Variants in NUMB observed in about 807,000 individuals in gnomAD.
NUMB encodes the protein NUMB endocytic adaptor protein.
A neutral mutation model predicts 59.7 loss-of-function variants in NUMB; 29 were observed. The observed-to-expected ratio is 0.49, with a 90% CI of 0.36 to 0.66. NUMB has a LOEUF of 0.66. NUMB is among the 30% of genes least tolerant of loss of function. The pLI, the probability that NUMB is intolerant of heterozygous loss-of-function variation, is 0.00. For missense variants in NUMB, 723 were observed against 822.0 expected (o/e 0.88, Z 1.47); for synonymous variants, 288 against 288.2 (o/e 1.00, Z 0.01).
intron 3 of NUMB, among the ~76,000 whole-genome samples, chr14:73,365,108 C>T (rs2140041598): frequency 6.6e-6 from 1 of 152,286 alleles, no homozygotes; most frequent in South Asian, 2.1e-4. Flanking sequence ...GGCGTGATCT[C>T]GGTTCACTGC....
At chr14:73,369,608 A>AT (rs572161126) in intron 2 of NUMB, among the ~76,000 whole-genome samples, 19 of 152,334 alleles carry the variant, frequency 1.2e-4, no homozygotes, top group African/African-American at 4.6e-4. Flanking sequence ...AGGAAGCCTA[A>AT]TTTTTTGTCC....
At chr14:73,335,515 T>C (rs1417280128) in intron 4 of NUMB, among the ~76,000 whole-genome samples, 1 of 152,182 alleles carries the variant, frequency 6.6e-6, no homozygotes, top group East Asian at 1.9e-4. Flanking sequence ...TTATGCTTAA[T>C]GGCTAAAATA....
In NUMB at chr14:73,313,803, AT is replaced by A. The variant is rs549089757; in HGVS notation, c.234+2586del. 2.3e-3 allele frequency among the ~76,000 whole-genome samples: 343 copies of A among 147,594 alleles called. 1 individual carries two copies. The highest frequency in any genetic ancestry group is 6.0e-3 in the African/African-American group (242 of 40,256). ...TTAGTTTGAACCACTAAAAAAGATG[AT>A]TTTTTTTTTCTTTTTTTTTTTGAGA... is the stretch of plus-strand genomic sequence containing the variant. On this transcript the variant is annotated intron_variant, in intron 6 of 12. Transcript: ENST00000555238.
chr14:73,317,301 G>GTTTA (rs929775960), intron 5 of NUMB, among the ~76,000 whole-genome samples: 2 of 151,852 alleles, frequency 1.3e-5, no homozygotes, highest in African/African-American at 4.9e-5. Flanking sequence ...TTTGGTTTTT[G>GTTTA]TTTGTTTGTT....
intron 7 of NUMB, among the ~76,000 whole-genome samples, chr14:73,294,950 TA>T (rs61179657): frequency 0.31 from 7,638 of 24,294 alleles, 1,167 homozygotes; most frequent in East Asian, 0.44. Context: ...AACCCATCTC[TA>T]AAAAAAAAAA....
At chr14:73,417,907 C>G (rs1202754713) in intron 1 of NUMB, among the ~76,000 whole-genome samples, 2 of 152,148 alleles carry the variant, frequency 1.3e-5, no homozygotes, top group Non-Finnish European at 2.9e-5. Flanking sequence ...GAGTTCGAGA[C>G]CAGCCTGACC....
At chr14:73,377,478 A>G (rs927014656) in intron 2 of NUMB, among the ~76,000 whole-genome samples, 3 of 151,812 alleles carry the variant, frequency 2.0e-5, no homozygotes, top group Non-Finnish European at 2.9e-5. Flanking sequence ...CATCTCTACT[A>G]AAAATACAAA....
At chr14:73,353,329 C>T (rs1486556725) in intron 4 of NUMB, among the ~76,000 whole-genome samples, 7 of 148,414 alleles carry the variant, frequency 4.7e-5, no homozygotes, top group South Asian at 4.3e-4. Context: ...TCAGGTGATC[C>T]GCCCGCCTCG....
chr14:73,409,756 A>G (rs1299565236), intron 2 of NUMB, 181 bp downstream of exon 2: 4 of 152,236 alleles, frequency 2.6e-5, no homozygotes, highest in African/African-American at 9.6e-5. Flanking sequence ...AAACATTTTG[A>G]CACACATTTT....
intron 1 of NUMB, among the ~76,000 whole-genome samples, chr14:73,410,336 T>C (rs1317012508): frequency 1.3e-5 from 2 of 152,186 alleles, no homozygotes; most frequent in Non-Finnish European, 2.9e-5. Flanking sequence ...AAGTCACAAA[T>C]TCTCCGTGCA....
rs577555231 is a variant in NUMB, at chr14:73,420,523, A to G, written c.-232-10455T>C. Among the ~76,000 whole-genome samples the G allele has an allele frequency of 3.9e-5, 6 of 152,236 alleles. No homozygotes were observed. In the East Asian group the frequency reaches 1.2e-3, roughly 29 times the overall value. Reference sequence around the variant, plus strand: ...GGGAAATTACCACCAAAAATGTTTTAAAAATTCATTGTTAGGCCAGGCACA... The same window carrying G: ...GGGAAATTACCACCAAAAATGTTTTGAAAATTCATTGTTAGGCCAGGCACA... On this transcript the variant is annotated intron_variant, in intron 1 of 12. Coordinates refer to ENST00000555238, the MANE Select transcript of NUMB (RefSeq NM_001005743.2).
chr14:73,312,713 C>CAAA, intron 6 of NUMB, among the ~76,000 whole-genome samples: 2 of 64,074 alleles, frequency 3.1e-5, no homozygotes, highest in African/African-American at 9.6e-5. Context: ...GACCCTGTCT[C>CAAA]AAAAAAAAAA....
At chr14:73,372,345 A>T (rs1277293221) in intron 2 of NUMB, among the ~76,000 whole-genome samples, 3 of 112,748 alleles carry the variant, frequency 2.7e-5, no homozygotes, top group Non-Finnish European at 3.7e-5. Flanking sequence ...ATAACCTTTT[A>T]TATATATATA....
chr14:73,279,788 C>T (rs780738067), intron 11 of NUMB, among the ~76,000 whole-genome samples: 14 of 152,308 alleles, frequency 9.2e-5, no homozygotes, highest in Middle Eastern at 3.4e-3. Flanking sequence ...GCTTAGCCTT[C>T]GGCATAATGA....
intron 1 of NUMB, among the ~76,000 whole-genome samples, chr14:73,432,772 C>T (rs1398045663): frequency 6.6e-6 from 1 of 152,148 alleles, no homozygotes; most frequent in East Asian, 1.9e-4. Flanking sequence ...ACTATCATTT[C>T]CTGTGATGCC....
chr14:73,307,968 C>T (rs1474322400), intron 6 of NUMB, among the ~76,000 whole-genome samples: 5 of 151,994 alleles, frequency 3.3e-5, no homozygotes, highest in Non-Finnish European at 7.4e-5. Context: ...CTCCTGACCT[C>T]GTGATCCGCC....
chr14:73,318,107 G>T (rs1334856913), intron 5 of NUMB, among the ~76,000 whole-genome samples: 1 of 152,220 alleles, frequency 6.6e-6, no homozygotes, highest in Non-Finnish European at 1.5e-5. Flanking sequence ...CAAGTTTGGT[G>T]ACCCTAGTTT....
At chr14:73,408,042 A>G (rs1002702241) in intron 2 of NUMB, among the ~76,000 whole-genome samples, 1 of 152,148 alleles carries the variant, frequency 6.6e-6, no homozygotes, top group African/African-American at 2.4e-5. Context: ...CCTGACCAAC[A>G]TGGTGAAACC....
chr14:73,312,868 G>T (rs1371833156), intron 6 of NUMB, among the ~76,000 whole-genome samples: 1 of 152,190 alleles, frequency 6.6e-6, no homozygotes, highest in Non-Finnish European at 1.5e-5. Flanking sequence ...CAGAGGGGAA[G>T]ACAAAGCCTG....
Sources: gnomAD v4.1 joint callset for allele counts (sites outside exome capture counted in the v4.1 genomes callset) on GRCh38, gnomAD v4.1.1 for gene constraint, MANE v1.5 for transcripts, NCBI Gene and HGNC (gene_info 2026-07-23, HGNC 2026-07-21) for gene names.